The following ANKDD1A variants were observed in gnomAD, a reference collection of about 807,000 sequenced individuals.
ANKDD1A encodes the protein ankyrin repeat and death domain-containing protein 1A.
ANKDD1A carries 59 observed loss-of-function variants against 63.5 expected under a neutral mutation model. The ratio of observed to expected loss-of-function variants is 0.93; its 90% CI spans 0.75 to 1.15. ANKDD1A has a LOEUF of 1.15. ANKDD1A is among the 50% of genes most tolerant of loss of function. ANKDD1A has a pLI of 0.00. For synonymous variants in ANKDD1A, 266 were observed against 263.9 expected, an observed-to-expected ratio of 1.01 and a Z score of -0.08; for missense variants, 632 against 656.4, an observed-to-expected ratio of 0.96 and a Z score of 0.41.
chr15:64,938,571 A>G (rs2085154176), intron 9 of ANKDD1A, among the ~76,000 whole-genome samples: 1 of 152,232 alleles, frequency 6.6e-6, no homozygotes, highest in Non-Finnish European at 1.5e-5. Flanking sequence ...CTGAGAAACC[A>G]GCACAGCCAA....
intron 14 of ANKDD1A, chr15:64,950,213 C>A (rs928194909): frequency 1.0e-4 from 100 of 985,288 alleles, no homozygotes; most frequent in Non-Finnish European, 1.1e-4. Flanking sequence ...CCTTCACAGC[C>A]CCGGAGCCAG....
chr15:64,952,229 CTCCTT>C (rs2085301749), intron 14 of ANKDD1A, among the ~76,000 whole-genome samples: 1 of 143,672 alleles, frequency 7.0e-6, no homozygotes, highest in South Asian at 2.1e-4. Flanking sequence ...CTTCCTTCTC[CTCCTT>C]TCTTCTTCTT....
At chr15:64,946,206 C>T (rs903733032) in intron 12 of ANKDD1A, among the ~76,000 whole-genome samples, 2 of 152,124 alleles carry the variant, frequency 1.3e-5, no homozygotes, top group Admixed American at 1.3e-4. Context: ...TCTTTTTAAG[C>T]ACTTCAAATG....
intron 8 of ANKDD1A, among the ~76,000 whole-genome samples, chr15:64,933,845 A>G (rs1437739828): frequency 2.0e-5 from 3 of 151,208 alleles, no homozygotes; most frequent in Non-Finnish European, 4.4e-5. Context: ...TGTCTCGGGA[A>G]AAAAAAAAGT....
chr15:64,923,534 C>G (rs2140367855), intron 4 of ANKDD1A, among the ~76,000 whole-genome samples: 1 of 152,118 alleles, frequency 6.6e-6, no homozygotes, highest in African/African-American at 2.4e-5. Flanking sequence ...ATAGGCTTCA[C>G]CAGATGTAAA....
intron 14 of ANKDD1A, chr15:64,951,536 C>CTTTCTT (rs2085276579): frequency 1.8e-4 from 1 of 5,418 alleles, no homozygotes; most frequent in Non-Finnish European, 1.2e-3. Context: ...CTTCCTCTTC[C>CTTTCTT]CTCTTCTTTC....
At chr15:64,915,563 G>A (rs896277444) in intron 1 of ANKDD1A, among the ~76,000 whole-genome samples, 1 of 152,186 alleles carries the variant, frequency 6.6e-6, no homozygotes, top group African/African-American at 2.4e-5. Context: ...TCCATCTTCA[G>A]GGTTTCACCA....
chr15:64,951,691 C>CTTATTCTTTTTT (rs1218099535), intron 14 of ANKDD1A, among the ~76,000 whole-genome samples: 1 of 117,518 alleles, frequency 8.5e-6, no homozygotes, highest in Admixed American at 9.0e-5. Flanking sequence ...TTTCTTCTTC[C>CTTATTCTTTTTT]TCTTCTTCTT....
chr15:64,942,426 G>A, intron 9 of ANKDD1A, 41 bp from the exon 10 acceptor site: 1 of 1,499,856 alleles, frequency 6.7e-7, no homozygotes, highest in Non-Finnish European at 9.2e-7. Context: ...GGGCAGTCCT[G>A]GGAGGGACTG....
intron 14 of ANKDD1A, among the ~76,000 whole-genome samples, chr15:64,954,930 C>CCTTCTTCTCCTT (rs1442920001): frequency 1.4e-5 from 2 of 147,936 alleles, no homozygotes; most frequent in African/African-American, 5.0e-5. Flanking sequence ...TCCTTCTTCT[C>CCTTCTTCTCCTT]CTTCTTCTTG....
chr15:64,956,003 G>A (rs1338118761), intron 14 of ANKDD1A, among the ~76,000 whole-genome samples: 1 of 152,184 alleles, frequency 6.6e-6, no homozygotes, highest in Admixed American at 6.5e-5. Context: ...AATAGAGTAT[G>A]TTCCATCCAC....
At position 64,930,815 on chromosome 15, in the gene ANKDD1A, C is replaced by G; in HGVS notation, c.571-7C>G. On this transcript the variant is annotated splice_region_variant and splice_polypyrimidine_tract_variant and intron_variant, in intron 6 of 14. Transcript: ENST00000319580. ...TGCTGGCCTCTCAGGAGCCCTTTTT[C>G]CTGCAGGAGGGGAACACTGCCCTTC... 6.2e-7 allele frequency: 1 copy of G among 1,610,294 alleles called. No homozygotes were observed. The highest frequency in any genetic ancestry group is 8.5e-7 in the Non-Finnish European group (1 of 1,179,226).
rs1372598426 is a variant in ANKDD1A, at chr15:64,942,438, T to C, written c.868-29T>C. ...GCTGGGCAGTCCTGGGAGGGACTGGTCGATTGATCCGTGTATCTCCTCCCA... is the reference window on the plus strand; with the variant it reads ...GCTGGGCAGTCCTGGGAGGGACTGGCCGATTGATCCGTGTATCTCCTCCCA... On this transcript the variant is annotated intron_variant, in intron 9 of 14. Coordinates refer to ENST00000319580, the MANE Select transcript of ANKDD1A (RefSeq NM_182703.6). 3 of 1,561,780 alleles carry C rather than the reference T, an allele frequency of 1.9e-6. No individual in the cohort carries two copies. The Admixed American group carries it at 5.3e-5, about 27-fold the overall frequency.
In ANKDD1A at chr15:64,953,955, GTTTC is replaced by G. The variant is rs1377402720; in HGVS notation, c.1484-3144_1484-3141del. On this transcript the variant is annotated intron_variant, in intron 14 of 14. Transcript: ENST00000319580. ...TTTCTTTTCTTCCTCTTCTTCTATT[GTTTC>G]TTTTTTTCTTCTTTCTTCCTCTATC... 1.4e-3 allele frequency among the ~76,000 whole-genome samples: 9 copies of G among 6,314 alleles called. No individual in the cohort carries two copies. In the South Asian group the frequency reaches 0.026, roughly 18 times the overall value. The allele number at this position is 6,314 out of a possible 152,430, so 4.1% of individuals were successfully genotyped here. A position where few individuals can be genotyped will look rare whatever the true frequency, so the allele number is the denominator to read the frequency against.
intron 14 of ANKDD1A, among the ~76,000 whole-genome samples, chr15:64,952,649 CTCCTTCTTCTTCCCCTTCT>C (rs768673987): frequency 7.2e-4 from 4 of 5,558 alleles, no homozygotes; most frequent in African/African-American, 1.2e-3. Context: ...TCTTCTCCTT[CTCCTTCTTCTTCCCCTTCT>C]TCCTTCTTCT....
intron 6 of ANKDD1A, 27 bp from the exon 7 acceptor site, chr15:64,930,795 G>C: frequency 6.2e-7 from 1 of 1,601,866 alleles, no homozygotes; most frequent in Non-Finnish European, 8.5e-7. Flanking sequence ...TGGTCTGCTG[G>C]CCTCTCAGGA....
chr15:64,917,651 G>A, intron 3 of ANKDD1A, 137 bp downstream of exon 3: 1 of 1,328,354 alleles, frequency 7.5e-7, no homozygotes, highest in Non-Finnish European at 1.0e-6. Flanking sequence ...AGAGGCTTCA[G>A]GCGCAGGGAC....
chr15:64,942,672 CT>C (rs3057944), intron 10 of ANKDD1A, 107 bp downstream of exon 10: 202,410 of 472,464 alleles, frequency 0.43, 23,114 homozygotes, highest in Admixed American at 0.55. Context: ...TGAGGAATCA[CT>C]TTTTTTTTTT....
intron 9 of ANKDD1A, among the ~76,000 whole-genome samples, chr15:64,935,653 C>T (rs1238871968): frequency 1.3e-5 from 2 of 151,456 alleles, no homozygotes; most frequent in East Asian, 1.9e-4. Flanking sequence ...CCAGCCTGGG[C>T]GACAGAGCAA....
Sources: allele counts gnomAD v4.1 joint callset (sites outside exome capture counted in the v4.1 genomes callset), GRCh38; gene constraint gnomAD v4.1.1; transcripts MANE v1.5; gene names NCBI Gene and HGNC (gene_info 2026-07-23, HGNC 2026-07-21).